ATP10B: variants seen among roughly 807,000 people sequenced by gnomAD.
ATP10B encodes the protein phospholipid-transporting ATPase VB.
Under a neutral mutation model 141.2 loss-of-function variants are expected in ATP10B, and 122 were observed. That is an observed-to-expected ratio of 0.86 (90% CI 0.75 to 1.00). The LOEUF (loss-of-function observed/expected upper bound fraction) is 1.00, where lower values mean the gene tolerates loss of function less well. ATP10B is among the 50% of genes least tolerant of loss of function. The pLI is 0.00. For missense variants in ATP10B, 1,876 were observed against 1,825.3 expected (o/e 1.03, Z -0.51); for synonymous variants, 685 against 692.0 (o/e 0.99, Z 0.16).
At chr5:160,652,381 C>T (rs1041495601) in intron 7 of ATP10B, among the ~76,000 whole-genome samples, 3 of 151,662 alleles carry the variant, frequency 2.0e-5, no homozygotes, top group Non-Finnish European at 4.4e-5. Flanking sequence ...AGCTGCTGGG[C>T]CAGCTCAAGA....
chr5:160,627,057 C>A (rs1195086473), intron 13 of ATP10B, among the ~76,000 whole-genome samples: 2 of 152,178 alleles, frequency 1.3e-5, no homozygotes, highest in Non-Finnish European at 2.9e-5. Flanking sequence ...CTCCGAAGAA[C>A]TACAATTCTC....
intron 13 of ATP10B, among the ~76,000 whole-genome samples, chr5:160,631,761 G>A (rs1006202217): frequency 3.3e-5 from 5 of 152,222 alleles, no homozygotes; most frequent in Admixed American, 3.3e-4. Flanking sequence ...GAGAAGGTGG[G>A]TGGGGGGCTG....
rs78753651 is a variant in ATP10B at position 160,842,974 on chromosome 5, G to A, written c.-576+8967C>T. Among the ~76,000 whole-genome samples the A allele has an allele frequency of 6.0e-3, 917 of 152,070 alleles. 13 individuals carry two copies. The highest frequency in any genetic ancestry group is 0.021 in the African/African-American group (873 of 41,510). Reference sequence around the variant, plus strand: ...GGACAGCAGAGCATTGATACCAAAAGCAGATGAACACCTTAAATAAAATGA... The same window carrying A: ...GGACAGCAGAGCATTGATACCAAAAACAGATGAACACCTTAAATAAAATGA... On this transcript the variant is annotated intron_variant, in intron 1 of 25. Coordinates refer to ENST00000327245, the MANE Select transcript of ATP10B (RefSeq NM_025153.3).
At chr5:160,888,249 G>A in the ATP10B span, among the ~76,000 whole-genome samples, 9 of 152,276 alleles carry the variant, frequency 5.9e-5, no homozygotes, top group African/African-American at 1.2e-4. Flanking sequence ...ATAATGCTGA[G>A]AAATTAATGA....
intron 20 of ATP10B, 46 bp downstream of exon 20, chr5:160,603,919 C>G: frequency 3.9e-6 from 6 of 1,533,544 alleles, no homozygotes; most frequent in Non-Finnish European, 4.5e-6. Flanking sequence ...TTCCTTGTAT[C>G]TCAACTAAGG....
chr5:160,596,938 G>T (rs1040054902), intron 22 of ATP10B, among the ~76,000 whole-genome samples: 1 of 152,168 alleles, frequency 6.6e-6, no homozygotes, highest in Admixed American at 6.5e-5. Flanking sequence ...TGGGTAGGAA[G>T]AATCAATATT....
intron 9 of ATP10B, 25 bp downstream of exon 9, chr5:160,644,113 C>A (rs766850108): frequency 6.3e-7 from 1 of 1,599,190 alleles, no homozygotes; most frequent in South Asian, 1.1e-5. Flanking sequence ...AAAATTCAGA[C>A]AAAAGAAACT....
At chr5:160,790,591 G>A (rs551214028) in intron 1 of ATP10B, among the ~76,000 whole-genome samples, 20 of 152,112 alleles carry the variant, frequency 1.3e-4, no homozygotes, top group Non-Finnish European at 2.9e-4. Context: ...GACTGTCAGG[G>A]CTATATATAA....
At chr5:160,624,377 G>A (rs1489492039) in intron 13 of ATP10B, among the ~76,000 whole-genome samples, 1 of 152,128 alleles carries the variant, frequency 6.6e-6, no homozygotes, top group Non-Finnish European at 1.5e-5. Flanking sequence ...AAGAATACCA[G>A]CCTTCATTCT....
intron 11 of ATP10B, 23 bp from the exon 12 acceptor site, chr5:160,634,629 C>T (rs1183317228): frequency 1.9e-6 from 3 of 1,573,896 alleles, no homozygotes; most frequent in African/African-American, 1.4e-5. Flanking sequence ...GAGTTTCTAC[C>T]ATTCAGAAAC....
At chr5:160,893,557 A>T in the ATP10B span, among the ~76,000 whole-genome samples, 1 of 152,160 alleles carries the variant, frequency 6.6e-6, no homozygotes, top group South Asian at 2.1e-4. Context: ...TCAAGAGCTT[A>T]TAGATAAAAC....
chr5:160,885,758 A>C, the ATP10B span, among the ~76,000 whole-genome samples: 2 of 152,226 alleles, frequency 1.3e-5, no homozygotes, highest in African/African-American at 4.8e-5. Flanking sequence ...TTGATGGGAT[A>C]AATCATAAGC....
chr5:160,628,744 T>C (rs1392873819), intron 13 of ATP10B, among the ~76,000 whole-genome samples: 5 of 152,082 alleles, frequency 3.3e-5, no homozygotes, highest in African/African-American at 1.2e-4. Context: ...ACACAAAGAC[T>C]CTCTGCTGAA....
chr5:160,617,745 A>T, intron 16 of ATP10B, 119 bp downstream of exon 16: 1 of 884,376 alleles, frequency 1.1e-6, no homozygotes, highest in Non-Finnish European at 1.7e-6. Flanking sequence ...CAGAACAGCT[A>T]ATCTTGAAAA....
chr5:160,810,670 C>T (rs938232738), intron 1 of ATP10B, among the ~76,000 whole-genome samples: 1 of 152,080 alleles, frequency 6.6e-6, no homozygotes, highest in Non-Finnish European at 1.5e-5. Context: ...TCTAACTTTC[C>T]ATCAAAATTG....
the ATP10B span, among the ~76,000 whole-genome samples, chr5:160,867,948 T>C: frequency 2.6e-5 from 4 of 152,156 alleles, no homozygotes; most frequent in African/African-American, 9.6e-5. Flanking sequence ...GAGCTGAACA[T>C]GTATCGTTAT....
intron 24 of ATP10B, among the ~76,000 whole-genome samples, chr5:160,574,557 G>T (rs1256890287): frequency 6.6e-6 from 1 of 152,130 alleles, no homozygotes; most frequent in Middle Eastern, 3.2e-3. Context: ...GCTTATTGCT[G>T]TGGTTTAAAT....
At chr5:160,597,113 C>T (rs960959180) in intron 22 of ATP10B, among the ~76,000 whole-genome samples, 3 of 152,198 alleles carry the variant, frequency 2.0e-5, no homozygotes, top group African/African-American at 7.2e-5. Context: ...AAGAACAAAG[C>T]TGGAGGCACC....
intron 2 of ATP10B, among the ~76,000 whole-genome samples, chr5:160,733,487 A>G (rs889830289): frequency 2.0e-5 from 3 of 152,180 alleles, no homozygotes; most frequent in Non-Finnish European, 4.4e-5. Context: ...AAATATAAAA[A>G]TAGCCATAGG....
Sources: allele counts gnomAD v4.1 joint callset (sites outside exome capture counted in the v4.1 genomes callset), GRCh38; gene constraint gnomAD v4.1.1; transcripts MANE v1.5; gene names NCBI Gene and HGNC (gene_info 2026-07-23, HGNC 2026-07-21).